RFX3: variants seen among roughly 807,000 people sequenced by gnomAD.
The protein encoded by RFX3 is transcription factor RFX3.
A neutral mutation model predicts 98.6 loss-of-function variants in RFX3; 14 were observed. The observed-to-expected ratio is 0.14, with a 90% CI of 0.09 to 0.22. The LOEUF is 0.22. Among genes scored for constraint, RFX3 ranks in the 10% least tolerant of loss-of-function variants. RFX3 has a pLI of 1.00. For synonymous variants in RFX3, 383 were observed against 328.4 expected, an observed-to-expected ratio of 1.17 and a Z score of -1.80; for missense variants, 639 against 926.9, an observed-to-expected ratio of 0.69 and a Z score of 4.03.
rs564975016 is a variant in RFX3, at chr9:3,479,714, G to A, written c.-9+46033C>T. On this transcript the variant is annotated intron_variant, in intron 1 of 16. Transcript: ENST00000617270. ...CTAGTCCATCTTGTCTTACTTGGCTGACTGAGGCCAAAACCAACTATACTC... is the reference window on the plus strand; with the variant it reads ...CTAGTCCATCTTGTCTTACTTGGCTAACTGAGGCCAAAACCAACTATACTC... Among the ~76,000 whole-genome samples the A allele has an allele frequency of 2.0e-5, 3 of 152,338 alleles. No individual in the cohort carries two copies. In the South Asian group the frequency reaches 6.2e-4, roughly 32 times the overall value.
intron 2 of RFX3, among the ~76,000 whole-genome samples, chr9:3,390,382 T>C (rs1840179975): frequency 6.6e-6 from 1 of 152,078 alleles, no homozygotes; most frequent in Non-Finnish European, 1.5e-5. Flanking sequence ...AGTCAGAAAA[T>C]TGTGAGAAAG....
intron 1 of RFX3, among the ~76,000 whole-genome samples, chr9:3,424,907 T>A (rs1473128315): frequency 6.6e-6 from 1 of 152,072 alleles, no homozygotes; most frequent in Non-Finnish European, 1.5e-5. Context: ...TAGGGCTTGT[T>A]TTAGAGAGTA....
intron 9 of RFX3, among the ~76,000 whole-genome samples, chr9:3,271,354 T>C (rs1409284605): frequency 6.6e-6 from 1 of 152,080 alleles, no homozygotes; most frequent in Non-Finnish European, 1.5e-5. Context: ...TAACATTCTT[T>C]TCATAATGTA....
At chr9:3,326,627 CCT>C (rs1265602534) in intron 4 of RFX3, among the ~76,000 whole-genome samples, 1 of 152,092 alleles carries the variant, frequency 6.6e-6, no homozygotes, top group African/African-American at 2.4e-5. Flanking sequence ...AGGAAAATGG[CCT>C]CCAGCACCAT....
At chr9:3,482,130 A>G (rs1849816326) in intron 1 of RFX3, among the ~76,000 whole-genome samples, 1 of 152,094 alleles carries the variant, frequency 6.6e-6, no homozygotes. Flanking sequence ...ATGTCTACGT[A>G]GAGAATTGTT....
chr9:3,348,840 A>G (rs970632898), intron 2 of RFX3, among the ~76,000 whole-genome samples: 2 of 152,106 alleles, frequency 1.3e-5, no homozygotes, highest in African/African-American at 4.8e-5. Flanking sequence ...TTCCTATGAC[A>G]TAACCCCACC....
At chr9:3,510,145 G>A (rs899408643) in intron 1 of RFX3, among the ~76,000 whole-genome samples, 1 of 151,880 alleles carries the variant, frequency 6.6e-6, no homozygotes, top group Non-Finnish European at 1.5e-5. Context: ...GCTGTGCAGG[G>A]CCAGACATAG....
rs868854866 is a variant in RFX3, at chr9:3,366,386, C to T, written c.118-19622G>A. 6.6e-5 allele frequency among the ~76,000 whole-genome samples: 10 copies of T among 152,316 alleles called. 1 individual carries two copies. The Middle Eastern group carries it at 0.014, about 207-fold the overall frequency. On this transcript the variant is annotated intron_variant, in intron 2 of 16. Coordinates refer to ENST00000617270, the MANE Select transcript of RFX3 (RefSeq NM_001282116.2). ...GTGCGTGTATACGTGTGTGTCTGCACATACATACACGCACCAACTACTTTG... is the reference window on the plus strand; with the variant it reads ...GTGCGTGTATACGTGTGTGTCTGCATATACATACACGCACCAACTACTTTG...
chr9:3,281,138 A>G (rs988895923), intron 7 of RFX3, among the ~76,000 whole-genome samples: 2 of 151,632 alleles, frequency 1.3e-5, no homozygotes, highest in Non-Finnish European at 3.0e-5. Flanking sequence ...GCTGGGTATA[A>G]ATATAATTTT....
At chr9:3,253,776 C>T (rs969496472) in intron 14 of RFX3, among the ~76,000 whole-genome samples, 1 of 152,128 alleles carries the variant, frequency 6.6e-6, no homozygotes, top group Non-Finnish European at 1.5e-5. Flanking sequence ...GTGTATGTGA[C>T]TGCCAAATTT....
intron 7 of RFX3, among the ~76,000 whole-genome samples, chr9:3,279,216 T>A (rs1422206721): frequency 6.6e-6 from 1 of 151,804 alleles, no homozygotes; most frequent in African/African-American, 2.4e-5. Context: ...TAACCTTATT[T>A]TGTTCAGGAA....
chr9:3,291,025 C>T (rs777496465), intron 6 of RFX3, among the ~76,000 whole-genome samples: 2 of 152,122 alleles, frequency 1.3e-5, no homozygotes, highest in Non-Finnish European at 2.9e-5. Flanking sequence ...CAGAAAAGAA[C>T]GTTCTTATTT....
chr9:3,395,804 C>T (rs1290188700), intron 1 of RFX3, among the ~76,000 whole-genome samples: 1 of 152,108 alleles, frequency 6.6e-6, no homozygotes. Flanking sequence ...TAAAAAAATT[C>T]CCATTAGCAC....
intron 3 of RFX3, among the ~76,000 whole-genome samples, chr9:3,335,115 T>A (rs1053909751): frequency 2.0e-4 from 30 of 151,920 alleles, no homozygotes; most frequent in African/African-American, 5.8e-4. Flanking sequence ...CGAAACTCCA[T>A]CTCAAAAAAT....
At chr9:3,355,518 C>A (rs1835646124) in intron 2 of RFX3, among the ~76,000 whole-genome samples, 1 of 151,730 alleles carries the variant, frequency 6.6e-6, no homozygotes, top group South Asian at 2.1e-4. Flanking sequence ...CATGTCTTTG[C>A]TCCTAAAGAC....
intron 1 of RFX3, among the ~76,000 whole-genome samples, chr9:3,413,492 T>G (rs1587575314): frequency 6.6e-6 from 1 of 152,132 alleles, no homozygotes; most frequent in East Asian, 1.9e-4. Context: ...ATGGCCCACC[T>G]TTAGTATTTA....
chr9:3,456,025 T>A (rs1847115669), intron 1 of RFX3, among the ~76,000 whole-genome samples: 1 of 152,202 alleles, frequency 6.6e-6, no homozygotes, highest in Non-Finnish European at 1.5e-5. Context: ...GAGGGCTGCA[T>A]CTTCCAGAAT....
chr9:3,427,973 G>T (rs966323688), intron 1 of RFX3, among the ~76,000 whole-genome samples: 4 of 152,096 alleles, frequency 2.6e-5, no homozygotes, highest in South Asian at 2.1e-4. Flanking sequence ...TTTCTGCTTG[G>T]ACTCCAAGTC....
At chr9:3,469,339 A>C (rs892096779) in intron 1 of RFX3, among the ~76,000 whole-genome samples, 2 of 152,214 alleles carry the variant, frequency 1.3e-5, no homozygotes, top group Non-Finnish European at 2.9e-5. Flanking sequence ...TACCATTAGA[A>C]TCTAGAAATA....
Sources: allele counts gnomAD v4.1 joint callset (sites outside exome capture counted in the v4.1 genomes callset), GRCh38; gene constraint gnomAD v4.1.1; transcripts MANE v1.5; gene names NCBI Gene and HGNC (gene_info 2026-07-23, HGNC 2026-07-21).